EIF4G3: variants seen among roughly 807,000 people sequenced by gnomAD.
The protein encoded by EIF4G3 is eukaryotic translation initiation factor 4 gamma 3.
A neutral mutation model predicts 186.4 loss-of-function variants in EIF4G3; 34 were observed. The observed-to-expected ratio is 0.18, with a 90% confidence interval of 0.14 to 0.24. The LOEUF is 0.24. EIF4G3 is among the 10% of genes least tolerant of loss of function. The pLI is 1.00. For synonymous variants in EIF4G3, 673 were observed against 679.5 expected (o/e 0.99, Z 0.15); for missense variants, 1,536 against 1,948.5 (o/e 0.79, Z 3.99).
intron 4 of EIF4G3, among the ~76,000 whole-genome samples, chr1:21,026,756 C>T (rs1356251060): frequency 2.0e-5 from 3 of 151,868 alleles, no homozygotes; most frequent in African/African-American, 7.3e-5. Flanking sequence ...TCGAGACCAA[C>T]CTGACCATCA....
chr1:21,176,116 G>T lies in EIF4G3; in HGVS notation c.-272+59C>A, dbSNP rs536476120. 4 of 315,092 alleles carry T rather than the reference G, an allele frequency of 1.3e-5. No individual in the cohort carries two copies. In the South Asian group the frequency reaches 5.0e-4, roughly 39 times the overall value. 19.5% of individuals were successfully genotyped at this position (315,092 alleles called of 1,614,324 possible). Reference sequence around the variant, plus strand: ...GGCAGGAGGGTCCCCTGGGCTGCGGGGTCCCCCTGGACTGCGACGACGAGA... The same window carrying T: ...GGCAGGAGGGTCCCCTGGGCTGCGGTGTCCCCCTGGACTGCGACGACGAGA... On this transcript the variant is annotated intron_variant, in intron 2 of 36. Coordinates refer to ENST00000602326, the MANE Select transcript of EIF4G3 (RefSeq NM_001391906.1).
At chr1:20,951,240 A>G (rs917020489) in intron 12 of EIF4G3, among the ~76,000 whole-genome samples, 2 of 152,140 alleles carry the variant, frequency 1.3e-5, no homozygotes, top group Non-Finnish European at 2.9e-5. Context: ...AGGATGATAG[A>G]TATCATTTAA....
In EIF4G3 at chr1:20,886,082, A is replaced by G. The variant is rs2084040057; in HGVS notation, c.2424+119T>C. On this transcript the variant is annotated intron_variant, in intron 19 of 36. Coordinates refer to ENST00000602326, the MANE Select transcript of EIF4G3 (RefSeq NM_001391906.1). Reference sequence around the variant, plus strand: ...TGGCTTTTAGAATAATTCTTTTAATAGGAAAATGTTATAAAAAGTCTTAAA... The same window carrying G: ...TGGCTTTTAGAATAATTCTTTTAATGGGAAAATGTTATAAAAAGTCTTAAA... The G allele has an allele frequency of 1.2e-5, 15 of 1,235,298 alleles. No individual in the cohort carries two copies. The South Asian group carries it at 1.3e-4, about 10-fold the overall frequency. The allele number at this position is 1,235,298 out of a possible 1,614,324, so 76.5% of individuals were successfully genotyped here.
At chr1:20,820,757 A>G (rs1399500630) in intron 33 of EIF4G3, among the ~76,000 whole-genome samples, 1 of 152,126 alleles carries the variant, frequency 6.6e-6, no homozygotes, top group East Asian at 1.9e-4. Context: ...CGATTGGAGG[A>G]CCAGCTGCAG....
chr1:20,951,770 T>C (rs1321432823), intron 12 of EIF4G3, among the ~76,000 whole-genome samples: 1 of 151,694 alleles, frequency 6.6e-6, no homozygotes, highest in Non-Finnish European at 1.5e-5. Flanking sequence ...GCAGGGTAAG[T>C]GCTAAAAGTA....
intron 3 of EIF4G3, among the ~76,000 whole-genome samples, chr1:21,051,526 C>T (rs957317875): frequency 6.6e-6 from 1 of 152,146 alleles, no homozygotes; most frequent in Non-Finnish European, 1.5e-5. Flanking sequence ...TGGCAAGTTA[C>T]TTATACGACA....
At chr1:21,078,184 G>A (rs995484188) in intron 3 of EIF4G3, among the ~76,000 whole-genome samples, 1 of 152,114 alleles carries the variant, frequency 6.6e-6, no homozygotes, top group Admixed American at 6.6e-5. Context: ...TTACTGTAGC[G>A]CTATTCACAA....
chr1:20,957,533 AAAAAG>A (rs993406924), intron 12 of EIF4G3, among the ~76,000 whole-genome samples: 4 of 151,806 alleles, frequency 2.6e-5, no homozygotes, highest in African/African-American at 7.2e-5. Context: ...AAAAAAAAAA[AAAAAG>A]AAATAACAGA....
intron 3 of EIF4G3, among the ~76,000 whole-genome samples, chr1:21,060,016 C>T (rs1194070888): frequency 6.6e-6 from 1 of 152,236 alleles, no homozygotes; most frequent in Non-Finnish European, 1.5e-5. Flanking sequence ...GGCCCGATCT[C>T]GGCTCACTGC....
At chr1:20,929,894 C>T (rs959959469) in intron 14 of EIF4G3, among the ~76,000 whole-genome samples, 1 of 152,088 alleles carries the variant, frequency 6.6e-6, no homozygotes, top group African/African-American at 2.4e-5. Flanking sequence ...ACATTCAGAT[C>T]CTATGCCTGT....
chr1:20,930,780 AAAGTTGTCCATG>A (rs2095271709), intron 14 of EIF4G3, among the ~76,000 whole-genome samples: 1 of 152,200 alleles, frequency 6.6e-6, no homozygotes, highest in Non-Finnish European at 1.5e-5. Flanking sequence ...TGAGCCCCTC[AAAGTTGTCCATG>A]AAGGTTAGAA....
intron 4 of EIF4G3, among the ~76,000 whole-genome samples, chr1:21,004,459 T>G (rs2084480535): frequency 6.6e-6 from 1 of 152,094 alleles, no homozygotes; most frequent in African/African-American, 2.4e-5. Flanking sequence ...TCCTAACAAT[T>G]GCTACTGAAC....
intron 2 of EIF4G3, among the ~76,000 whole-genome samples, chr1:21,091,870 T>TA (rs2096215507): frequency 6.6e-6 from 1 of 152,196 alleles, no homozygotes; most frequent in Non-Finnish European, 1.5e-5. Context: ...TGAAGTTGCT[T>TA]ATTAGTTTAA....
intron 8 of EIF4G3, 106 bp downstream of exon 8, chr1:20,982,282 T>A: frequency 1.3e-6 from 1 of 781,852 alleles, no homozygotes; most frequent in Middle Eastern, 2.3e-4. Flanking sequence ...AATATACCAA[T>A]AGTAAATTTC....
chr1:20,985,525 A>ATAT (rs1006239181), intron 7 of EIF4G3, among the ~76,000 whole-genome samples: 6 of 138,106 alleles, frequency 4.3e-5, no homozygotes, highest in Non-Finnish European at 1.0e-4. Context: ...CAAAAAAAAA[A>ATAT]AAAAATATAT....
intron 30 of EIF4G3, among the ~76,000 whole-genome samples, chr1:20,833,665 G>A (rs149857135): frequency 3.9e-5 from 6 of 152,116 alleles, no homozygotes; most frequent in African/African-American, 1.4e-4. Flanking sequence ...ATCAATAAAT[G>A]TAATCCAGCA....
chr1:20,917,865 TA>T (rs2094062333), intron 14 of EIF4G3, among the ~76,000 whole-genome samples: 1 of 152,202 alleles, frequency 6.6e-6, no homozygotes, highest in Non-Finnish European at 1.5e-5. Context: ...CAAAATACGA[TA>T]ATGTATGTTT....
chr1:20,849,602 C>A, intron 28 of EIF4G3, 72 bp from the exon 29 acceptor site: 2 of 631,862 alleles, frequency 3.2e-6, no homozygotes, highest in Non-Finnish European at 5.2e-6. Flanking sequence ...TTATGGTTGA[C>A]AATATTATGT....
chr1:21,011,805 T>C (rs189589695), intron 4 of EIF4G3, among the ~76,000 whole-genome samples: 13 of 152,362 alleles, frequency 8.5e-5, no homozygotes, highest in African/African-American at 2.9e-4. Context: ...TTTAGTATAC[T>C]GTATTGATCA....
Sources: allele counts gnomAD v4.1 joint callset (sites outside exome capture counted in the v4.1 genomes callset), GRCh38; gene constraint gnomAD v4.1.1; transcripts MANE v1.5; gene names NCBI Gene and HGNC (gene_info 2026-07-23, HGNC 2026-07-21).